Variants in CDH18 observed in about 807,000 individuals in gnomAD.
CDH18 encodes cadherin-18.
Under a neutral mutation model 67.9 loss-of-function variants are expected in CDH18, and 31 were observed. The observed-to-expected ratio is 0.46, with a 90% CI of 0.34 to 0.62. The LOEUF (loss-of-function observed/expected upper bound fraction) is 0.62. Among genes scored for constraint, CDH18 ranks in the 20% least tolerant of loss-of-function variants. The pLI is 0.01. For missense variants in CDH18, 890 were observed against 975.5 expected (o/e 0.91, Z 1.17); for synonymous variants, 362 against 347.2 (o/e 1.04, Z -0.48).
chr5:19,925,493 T>A (rs577605461), intron 2 of CDH18, among the ~76,000 whole-genome samples: 151 of 147,650 alleles, frequency 1.0e-3, no homozygotes, highest in Non-Finnish European at 1.8e-3. Context: ...TGCATTTTTC[T>A]TTTTTTTTCC....
Position 20,284,193 on chromosome 5 carries a change from A to C in CDH18, c.-579-28688T>G, listed in dbSNP as rs1215503781. On this transcript the variant is annotated intron_variant, in intron 1 of 14. Transcript: ENST00000507958. ...GAGAATGAATTAGATCCAGTATTTG[A>C]TAACACAACAGGGTGACTACAGTTG... Among the ~76,000 whole-genome samples the C allele has an allele frequency of 2.0e-5, 3 of 151,974 alleles. No individual in the cohort carries two copies. In the East Asian group the frequency reaches 5.8e-4, roughly 29 times the overall value.
chr5:19,901,040 C>T (rs1579501627), intron 2 of CDH18, among the ~76,000 whole-genome samples: 2 of 152,202 alleles, frequency 1.3e-5, no homozygotes. Flanking sequence ...ATTTAACTTA[C>T]TCCTTTATAA....
At chr5:19,646,300 T>A (rs1381019735) in intron 5 of CDH18, among the ~76,000 whole-genome samples, 1 of 151,832 alleles carries the variant, frequency 6.6e-6, no homozygotes, top group African/African-American at 2.4e-5. Context: ...AAAGTGCATT[T>A]AAAAAAAATA....
At chr5:19,576,589 C>T (rs1271530127) in intron 7 of CDH18, among the ~76,000 whole-genome samples, 2 of 151,944 alleles carry the variant, frequency 1.3e-5, no homozygotes, top group African/African-American at 2.4e-5. Context: ...AAAACATGAA[C>T]GATAACAAGT....
At chr5:19,557,120 A>G (rs1006695247) in intron 8 of CDH18, among the ~76,000 whole-genome samples, 4 of 152,166 alleles carry the variant, frequency 2.6e-5, no homozygotes, top group African/African-American at 9.6e-5. Context: ...CAGCACTACA[A>G]GAACTGCTAA....
At chr5:20,266,960 T>A (rs1002363132) in intron 1 of CDH18, among the ~76,000 whole-genome samples, 3 of 152,096 alleles carry the variant, frequency 2.0e-5, no homozygotes, top group Non-Finnish European at 1.5e-5. Flanking sequence ...CAATCTGAAT[T>A]TCAGGTTTTG....
At chr5:19,543,176 A>G (rs1480745809) in intron 9 of CDH18, among the ~76,000 whole-genome samples, 1 of 152,138 alleles carries the variant, frequency 6.6e-6, no homozygotes, top group Non-Finnish European at 1.5e-5. Context: ...TGTTATGAAG[A>G]TGGATTCATT....
At chr5:19,808,330 A>AT (rs1275102162) in intron 3 of CDH18, among the ~76,000 whole-genome samples, 16 of 139,520 alleles carry the variant, frequency 1.1e-4, no homozygotes, top group African/African-American at 4.0e-4. Flanking sequence ...AAAAAAAAAC[A>AT]AAAATAAAAC....
rs560660181 is a variant in CDH18, at chr5:19,882,995, A to G, written c.-256-43753T>C. ...ACAAGAATAATATATGCTATTAAAT[A>G]TATTTAGCCCTTTAAAGGAAAGGTG... On this transcript the variant is annotated intron_variant, in intron 2 of 12. Transcript: ENST00000382275. 1.8e-3 allele frequency among the ~76,000 whole-genome samples: 278 copies of G among 152,276 alleles called. 1 individual carries two copies. Among genetic ancestry groups the G allele is most frequent in the African/African-American group, 6.4e-3 (266 of 41,560 alleles).
At chr5:19,706,925 C>A (rs1194840540) in intron 5 of CDH18, among the ~76,000 whole-genome samples, 1 of 152,120 alleles carries the variant, frequency 6.6e-6, no homozygotes, top group Non-Finnish European at 1.5e-5. Flanking sequence ...TGCCTAAAGG[C>A]CAGATGCTAT....
In CDH18 at chr5:20,464,134, A is replaced by C. The variant is rs376677517; in HGVS notation, c.-580+111328T>G. On this transcript the variant is annotated intron_variant, in intron 1 of 14. Transcript: ENST00000507958. ...CTAACTGATGAGGCTGACACACACAAAAAACTCAAGTTTATAAGCAACAAC... is the reference window on the plus strand; with the variant it reads ...CTAACTGATGAGGCTGACACACACACAAAACTCAAGTTTATAAGCAACAAC... 7.9e-5 allele frequency among the ~76,000 whole-genome samples: 12 copies of C among 152,136 alleles called. No individual in the cohort carries two copies. In the East Asian group the frequency reaches 1.7e-3, roughly 22 times the overall value.
chr5:20,463,392 G>T (rs1409192860), intron 1 of CDH18, among the ~76,000 whole-genome samples: 1 of 152,042 alleles, frequency 6.6e-6, no homozygotes, highest in Non-Finnish European at 1.5e-5. Context: ...ACACTGCTAT[G>T]TAGAAATACC....
intron 6 of CDH18, among the ~76,000 whole-genome samples, chr5:19,597,122 T>C (rs1426623900): frequency 6.6e-6 from 1 of 152,176 alleles, no homozygotes; most frequent in African/African-American, 2.4e-5. Context: ...TGGGGCAAGC[T>C]ATCTGTTATG....
chr5:19,771,939 T>C (rs1773781146), intron 3 of CDH18, among the ~76,000 whole-genome samples: 1 of 152,186 alleles, frequency 6.6e-6, no homozygotes, highest in African/African-American at 2.4e-5. Context: ...ATGCAAAATG[T>C]ACCTCTATAA....
intron 3 of CDH18, among the ~76,000 whole-genome samples, chr5:19,836,350 G>A (rs1447334372): frequency 6.6e-6 from 1 of 152,040 alleles, no homozygotes; most frequent in African/African-American, 2.4e-5. Flanking sequence ...ACTTTTTAAT[G>A]ACCGCCATTC....
At chr5:20,565,756 T>TAAAA (rs541394969) in intron 1 of CDH18, among the ~76,000 whole-genome samples, 57 of 142,470 alleles carry the variant, frequency 4.0e-4, no homozygotes, top group African/African-American at 1.2e-3. Flanking sequence ...TACGTTATGA[T>TAAAA]AAAAAAAAAA....
At chr5:20,074,167 T>C (rs963741306) in intron 2 of CDH18, among the ~76,000 whole-genome samples, 5 of 152,132 alleles carry the variant, frequency 3.3e-5, no homozygotes, top group Admixed American at 1.3e-4. Context: ...ATAATAATGA[T>C]AATAATAGTG....
rs558092646 is a variant in CDH18 at position 20,420,050 on chromosome 5, A to G, written c.-580+155412T>C. On this transcript the variant is annotated intron_variant, in intron 1 of 14. Coordinates refer to the CDH18 transcript ENST00000507958. ...TCTTGTGAATTTTTAGTACTCTTAG[A>G]GTAATGCTGAACATTCACCACCACA... Among the ~76,000 whole-genome samples the G allele has an allele frequency of 4.6e-5, 7 of 151,178 alleles. No individual in the cohort carries two copies. In the South Asian group the frequency reaches 8.3e-4, roughly 18 times the overall value.
chr5:19,760,122 G>A (rs998266543), intron 3 of CDH18, among the ~76,000 whole-genome samples: 1 of 152,124 alleles, frequency 6.6e-6, no homozygotes, highest in African/African-American at 2.4e-5. Context: ...CACCCACCTT[G>A]CCTTTGACAG....
Sources: allele counts gnomAD v4.1 joint callset (sites outside exome capture counted in the v4.1 genomes callset), GRCh38; gene constraint gnomAD v4.1.1; transcripts MANE v1.5; gene names NCBI Gene and HGNC (gene_info 2026-07-23, HGNC 2026-07-21).